Variants in EPHA6 observed in about 807,000 individuals in gnomAD.
EPHA6 encodes EPH receptor A6, also known as ephrin type-A receptor 6.
In EPHA6, 50 loss-of-function variants were observed where a neutral mutation model predicts 112.0. The observed-to-expected ratio is 0.45, with a 90% CI of 0.36 to 0.56. The LOEUF (loss-of-function observed/expected upper bound fraction) is 0.56. Ranked by LOEUF, EPHA6 falls within the 20% of genes least tolerant of loss-of-function variation. The pLI, the probability that EPHA6 is intolerant of heterozygous loss-of-function variation, is 0.00. For synonymous variants in EPHA6, 529 were observed against 490.7 expected (o/e 1.08, Z -1.03); for missense variants, 1,280 against 1,417.4 (o/e 0.90, Z 1.56).
chr3:97,725,695 T>G (rs527768382), intron 15 of EPHA6, among the ~76,000 whole-genome samples: 29 of 152,102 alleles, frequency 1.9e-4, no homozygotes, highest in Admixed American at 4.6e-4. Context: ...GATAAATATG[T>G]TACATGCTTT....
intron 14 of EPHA6, among the ~76,000 whole-genome samples, chr3:97,649,586 G>A (rs980855542): frequency 3.9e-5 from 6 of 151,948 alleles, no homozygotes; most frequent in Non-Finnish European, 8.8e-5. Context: ...GAGAAAAATA[G>A]CAGCATTATC....
chr3:97,489,208 A>G (rs946591051), intron 10 of EPHA6, among the ~76,000 whole-genome samples: 1 of 152,248 alleles, frequency 6.6e-6, no homozygotes, highest in African/African-American at 2.4e-5. Flanking sequence ...TTATTGCCCA[A>G]CCCTCAATAT....
chr3:97,328,754 G>A (rs1344904124), intron 5 of EPHA6, among the ~76,000 whole-genome samples: 1 of 152,044 alleles, frequency 6.6e-6, no homozygotes, highest in Non-Finnish European at 1.5e-5. Flanking sequence ...CTGGTATCAA[G>A]TCAAAGAACT....
intron 7 of EPHA6, among the ~76,000 whole-genome samples, chr3:97,475,038 G>C (rs1206048454): frequency 2.6e-5 from 4 of 152,040 alleles, no homozygotes; most frequent in African/African-American, 7.2e-5. Flanking sequence ...CAATTCTTTA[G>C]CCTATCTGCT....
At chr3:97,226,007 G>A (rs1179204338) in intron 3 of EPHA6, among the ~76,000 whole-genome samples, 2 of 152,154 alleles carry the variant, frequency 1.3e-5, no homozygotes, top group Non-Finnish European at 2.9e-5. Context: ...GTGTGAGTGT[G>A]TGTGTGTGTA....
rs2036106239 is a variant in EPHA6, at chr3:97,759,526, A to G, written c.*10825A>G. On this transcript the variant is annotated 3_prime_UTR_variant, in exon 18 of 18. Coordinates refer to ENST00000389672, the MANE Select transcript of EPHA6 (RefSeq NM_001080448.3). Reference sequence around the variant, plus strand: ...GACAGGGGAAAACTGATTATGCAAGAGAGATGATAATTGTAACAAAGGCCT... The same window carrying G: ...GACAGGGGAAAACTGATTATGCAAGGGAGATGATAATTGTAACAAAGGCCT... 1 of 230,764 alleles carries G rather than the reference A, an allele frequency of 4.3e-6. No individual in the cohort carries two copies. Among genetic ancestry groups the G allele is most frequent in the Non-Finnish European group, 8.6e-6 (1 of 116,500 alleles). 14.3% of individuals were successfully genotyped at this position (230,764 alleles called of 1,614,324 possible).
chr3:97,195,335 T>C lies in EPHA6; in HGVS notation c.1115-30929T>C, dbSNP rs2077412325. On this transcript the variant is annotated intron_variant, in intron 3 of 17. Transcript: ENST00000389672. ...TAAACTGATGACAACTTAACATTTTTTGCAAAAACAAGCAAACAAGCAAAG... is the reference window on the plus strand; with the variant it reads ...TAAACTGATGACAACTTAACATTTTCTGCAAAAACAAGCAAACAAGCAAAG... 2.6e-5 allele frequency among the ~76,000 whole-genome samples: 4 copies of C among 152,186 alleles called. No homozygotes were observed. The South Asian group carries it at 8.3e-4, about 32-fold the overall frequency.
At chr3:97,282,756 A>C (rs988718018) in intron 5 of EPHA6, among the ~76,000 whole-genome samples, 1 of 152,214 alleles carries the variant, frequency 6.6e-6, no homozygotes, top group Non-Finnish European at 1.5e-5. Flanking sequence ...CAAACACCAC[A>C]TGTTCTCACT....
At chr3:97,259,547 A>G (rs1361631346) in intron 5 of EPHA6, among the ~76,000 whole-genome samples, 1 of 152,096 alleles carries the variant, frequency 6.6e-6, no homozygotes, top group African/African-American at 2.4e-5. Flanking sequence ...TTCTCAATGT[A>G]TTTTATTGTT....
At chr3:97,537,073 T>C (rs2092774405) in intron 11 of EPHA6, among the ~76,000 whole-genome samples, 1 of 152,022 alleles carries the variant, frequency 6.6e-6, no homozygotes, top group Non-Finnish European at 1.5e-5. Context: ...AATAGAAAAG[T>C]TCAGGAAGAA....
intron 15 of EPHA6, among the ~76,000 whole-genome samples, chr3:97,735,389 C>T (rs2035209418): frequency 6.6e-6 from 1 of 151,750 alleles, no homozygotes; most frequent in Non-Finnish European, 1.5e-5. Flanking sequence ...CAGTGTCAGA[C>T]TAAGGGAAAG....
At chr3:97,098,446 C>G (rs901089154) in intron 3 of EPHA6, among the ~76,000 whole-genome samples, 9 of 151,746 alleles carry the variant, frequency 5.9e-5, no homozygotes, top group African/African-American at 2.2e-4. Flanking sequence ...TGCATTAGAT[C>G]TGAATAGGCA....
intron 2 of EPHA6, among the ~76,000 whole-genome samples, chr3:96,888,706 C>T (rs2037779021): frequency 6.6e-6 from 1 of 152,148 alleles, no homozygotes; most frequent in African/African-American, 2.4e-5. Flanking sequence ...CTTTCTAGGC[C>T]TCTGGGCCTG....
chr3:96,880,338 A>G (rs956695183), intron 2 of EPHA6, among the ~76,000 whole-genome samples: 4 of 152,034 alleles, frequency 2.6e-5, no homozygotes, highest in South Asian at 2.1e-4. Context: ...TCACAAATCT[A>G]AGAAAAGATG....
rs141851660 is a variant in EPHA6 at position 97,380,168 on chromosome 3, T to C, written c.1607-24982T>C. Among the ~76,000 whole-genome samples, 374 of 152,282 alleles carry C rather than the reference T, an allele frequency of 2.5e-3. 1 individual carries two copies. Among genetic ancestry groups the C allele is most frequent in the African/African-American group, 8.5e-3 (355 of 41,558 alleles). ...TGCAGAATTAAAAGATTTTCTGCAT[T>C]AATGTTTGCCTAGACATGATCTGAA... On this transcript the variant is annotated intron_variant, in intron 5 of 17. Transcript: ENST00000389672.
chr3:97,675,860 A>T (rs375679590), intron 14 of EPHA6, among the ~76,000 whole-genome samples: 7 of 152,154 alleles, frequency 4.6e-5, no homozygotes, highest in African/African-American at 1.7e-4. Context: ...GCAGGAGTTT[A>T]AAAAAAGTGG....
At chr3:96,946,322 C>G (rs1033452129) in intron 2 of EPHA6, among the ~76,000 whole-genome samples, 31 of 151,998 alleles carry the variant, frequency 2.0e-4, no homozygotes, top group Non-Finnish European at 2.5e-4. Flanking sequence ...ATCCCTCCCC[C>G]CCTTCCCCCA....
chr3:97,184,870 T>C (rs1350911115), intron 3 of EPHA6, among the ~76,000 whole-genome samples: 1 of 152,120 alleles, frequency 6.6e-6, no homozygotes, highest in African/African-American at 2.4e-5. Flanking sequence ...AACAGAGATA[T>C]AGACCAATGG....
At chr3:97,256,599 G>A (rs1339335407) in intron 5 of EPHA6, among the ~76,000 whole-genome samples, 1 of 151,822 alleles carries the variant, frequency 6.6e-6, no homozygotes, top group East Asian at 1.9e-4. Context: ...GCATAAAAGA[G>A]CTTTATTTAA....
Sources: allele counts gnomAD v4.1 joint callset (sites outside exome capture counted in the v4.1 genomes callset), GRCh38; gene constraint gnomAD v4.1.1; transcripts MANE v1.5; gene names NCBI Gene and HGNC (gene_info 2026-07-23, HGNC 2026-07-21).